The following TBX15 variants were observed in gnomAD, a reference collection of about 807,000 sequenced individuals.
TBX15 encodes T-box transcription factor TBX15.
Under a neutral mutation model 53.9 loss-of-function variants are expected in TBX15, and 18 were observed. The observed-to-expected ratio is 0.33, with a 90% CI of 0.23 to 0.49. The LOEUF (loss-of-function observed/expected upper bound fraction) is 0.49. TBX15 is among the 20% of genes least tolerant of loss of function. The probability of loss-of-function intolerance (pLI) is 0.98; values close to 1 mark genes in which losing one functional copy is unlikely to be tolerated. For missense variants in TBX15, 692 were observed against 749.5 expected, an observed-to-expected ratio of 0.92 and a Z score of 0.90; for synonymous variants, 295 against 278.0, an observed-to-expected ratio of 1.06 and a Z score of -0.61.
At position 118,930,734 on chromosome 1, in the gene TBX15, A is replaced by C. The variant is rs1254751511; in HGVS notation, c.419+885T>G. On this transcript the variant is annotated intron_variant, in intron 2 of 7. Coordinates refer to ENST00000369429, the MANE Select transcript of TBX15 (RefSeq NM_001330677.2). ...CCCGGCCCAAATTTAATTTTATCTA[A>C]ATCGTTTCATTTTGAATCCAAGGGG... 2.6e-5 allele frequency among the ~76,000 whole-genome samples: 4 copies of C among 152,200 alleles called. No homozygotes were observed. In the East Asian group the frequency reaches 7.7e-4, roughly 29 times the overall value.
At chr1:118,986,225 C>T (rs1180503651) in intron 1 of TBX15, among the ~76,000 whole-genome samples, 1 of 152,136 alleles carries the variant, frequency 6.6e-6, no homozygotes, top group Non-Finnish European at 1.5e-5. Context: ...GTCTGGCCAG[C>T]GAAGGGAAAC....
chr1:118,894,553 A>G (rs956196929), intron 7 of TBX15, among the ~76,000 whole-genome samples: 18 of 152,306 alleles, frequency 1.2e-4, no homozygotes, highest in South Asian at 8.3e-4. Context: ...TGTAGAAACT[A>G]TGGAAGACAT....
At position 118,933,889 on chromosome 1, in the gene TBX15, A is replaced by G. The variant is rs2101619153; in HGVS notation, c.206-2057T>C. Among the ~76,000 whole-genome samples the G allele has an allele frequency of 2.6e-5, 4 of 152,330 alleles. No individual in the cohort carries two copies. The Middle Eastern group carries it at 0.01, about 389-fold the overall frequency. ...CCATAAAGTGCCACAATTACAAAAAATTGGAAAGAGACACCTTAAGTAGGA... is the reference window on the plus strand; with the variant it reads ...CCATAAAGTGCCACAATTACAAAAAGTTGGAAAGAGACACCTTAAGTAGGA... On this transcript the variant is annotated intron_variant, in intron 1 of 7. Transcript: ENST00000369429.
At chr1:118,944,967 C>T (rs1656302687) in intron 1 of TBX15, among the ~76,000 whole-genome samples, 1 of 152,170 alleles carries the variant, frequency 6.6e-6, no homozygotes, top group South Asian at 2.1e-4. Context: ...AGGATGGTGT[C>T]CTTCTGTTGG....
At chr1:118,915,060 C>A (rs1366530263) in intron 5 of TBX15, among the ~76,000 whole-genome samples, 2 of 152,192 alleles carry the variant, frequency 1.3e-5, no homozygotes, top group Non-Finnish European at 2.9e-5. Context: ...TAGACTAGAA[C>A]AAGCCTGAAC....
chr1:118,936,018 T>C lies in TBX15; in HGVS notation c.206-4186A>G, dbSNP rs556926507. ...CTAGGTTCAACCCAGCCAAAACAGCTGGCAACTCTGTAACACCCCCTAACT... is the reference window on the plus strand; with the variant it reads ...CTAGGTTCAACCCAGCCAAAACAGCCGGCAACTCTGTAACACCCCCTAACT... On this transcript the variant is annotated intron_variant, in intron 1 of 7. Transcript: ENST00000369429. Among the ~76,000 whole-genome samples the C allele has an allele frequency of 2.6e-5, 4 of 152,268 alleles. No homozygotes were observed. In the South Asian group the frequency reaches 6.2e-4, roughly 24 times the overall value.
intron 1 of TBX15, among the ~76,000 whole-genome samples, chr1:118,983,957 A>G (rs923922889): frequency 6.6e-6 from 1 of 152,216 alleles, no homozygotes; most frequent in African/African-American, 2.4e-5. Context: ...TCACCCTGTT[A>G]CCCTATTGGG....
At chr1:118,983,528 C>A (rs972919039) in intron 1 of TBX15, among the ~76,000 whole-genome samples, 1 of 152,224 alleles carries the variant, frequency 6.6e-6, no homozygotes, top group Admixed American at 6.5e-5. Context: ...ATAATCCTCA[C>A]TGGCCCATGA....
Position 118,987,895 on chromosome 1 carries a change from C to T in TBX15, c.-100G>A. The stretch of plus-strand genomic sequence containing the variant: ...CCCACCGGGCCCGGCCCGGGAGAGG[C>T]GGAGGCGCGTCGGACGAGGCTGAGA... On this transcript the variant is annotated 5_prime_UTR_variant, in exon 1 of 8. Coordinates refer to ENST00000369429, the MANE Select transcript of TBX15 (RefSeq NM_001330677.2). The T allele has an allele frequency of 1.4e-6, 2 of 1,447,436 alleles. No homozygotes were observed. The highest frequency in any genetic ancestry group is 2.5e-5 in the East Asian group (1 of 40,204). 89.7% of individuals were successfully genotyped at this position (1,447,436 alleles called of 1,614,324 possible).
At chr1:118,901,418 T>A in intron 6 of TBX15, 2 of 456,584 alleles carry the variant, frequency 4.4e-6, no homozygotes, top group South Asian at 1.5e-5. Flanking sequence ...CTCTTAACAC[T>A]GTTTTATTGC....
At chr1:118,897,245 T>C (rs1654461350) in intron 7 of TBX15, among the ~76,000 whole-genome samples, 1 of 152,198 alleles carries the variant, frequency 6.6e-6, no homozygotes, top group African/African-American at 2.4e-5. Flanking sequence ...TAGGTGGTTG[T>C]GCTCCAAGAA....
chr1:118,935,470 A>T (rs1016549308), intron 1 of TBX15, among the ~76,000 whole-genome samples: 1 of 152,190 alleles, frequency 6.6e-6, no homozygotes, highest in African/African-American at 2.4e-5. Context: ...GCTATCAGAT[A>T]CTGTCAGAAT....
chr1:118,962,680 C>G (rs1656918530), intron 1 of TBX15, among the ~76,000 whole-genome samples: 1 of 152,174 alleles, frequency 6.6e-6, no homozygotes, highest in Non-Finnish European at 1.5e-5. Context: ...AAAGTGTAAC[C>G]TCTAGGATTT....
chr1:118,960,249 C>T (rs1173396615), intron 1 of TBX15, among the ~76,000 whole-genome samples: 4 of 152,136 alleles, frequency 2.6e-5, no homozygotes, highest in South Asian at 2.1e-4. Context: ...TAAGTACATC[C>T]GCTAGGCTTG....
intron 7 of TBX15, among the ~76,000 whole-genome samples, chr1:118,885,764 CTT>C (rs1653920783): frequency 6.6e-6 from 1 of 152,112 alleles, no homozygotes; most frequent in African/African-American, 2.4e-5. Context: ...ACACTAAACT[CTT>C]TTGTTTGTTT....
intron 4 of TBX15, 80 bp from the exon 5 acceptor site, chr1:118,923,683 G>C: frequency 6.5e-7 from 1 of 1,535,908 alleles, no homozygotes; most frequent in Non-Finnish European, 9.0e-7. Context: ...AAATCACTAA[G>C]TTGAAGCACT....
intron 5 of TBX15, among the ~76,000 whole-genome samples, chr1:118,917,011 G>A (rs1363845168): frequency 1.3e-5 from 2 of 152,138 alleles, no homozygotes; most frequent in African/African-American, 4.8e-5. Context: ...GACAGTGCAG[G>A]GATTCCTCAA....
intron 1 of TBX15, among the ~76,000 whole-genome samples, chr1:118,947,098 C>A (rs1656371347): frequency 2.6e-5 from 4 of 152,194 alleles, no homozygotes; most frequent in Non-Finnish European, 5.9e-5. Context: ...TCCTCTAAGG[C>A]AATGTCTGCA....
At chr1:118,947,547 G>A (rs1656386248) in intron 1 of TBX15, among the ~76,000 whole-genome samples, 1 of 152,166 alleles carries the variant, frequency 6.6e-6, no homozygotes, top group Non-Finnish European at 1.5e-5. Context: ...GTGAGAAGTG[G>A]AGAAGGAATC....
Sources: allele counts gnomAD v4.1 joint callset (sites outside exome capture counted in the v4.1 genomes callset), GRCh38; gene constraint gnomAD v4.1.1; transcripts MANE v1.5; gene names NCBI Gene and HGNC (gene_info 2026-07-23, HGNC 2026-07-21).